The following KCNB2 variants were observed in gnomAD, a reference collection of about 807,000 sequenced individuals.
The protein encoded by KCNB2 is potassium voltage-gated channel subfamily B member 2.
KCNB2 carries 15 observed loss-of-function variants against 61.5 expected under a neutral mutation model. The observed-to-expected ratio is 0.24, with a 90% CI of 0.16 to 0.38. KCNB2 has a LOEUF of 0.38. KCNB2 is among the 10% of genes least tolerant of loss of function. The probability of loss-of-function intolerance (pLI) is 1.00; values close to 1 mark genes in which losing one functional copy is unlikely to be tolerated. For missense variants in KCNB2, 828 were observed against 1,125.2 expected (o/e 0.74, Z 3.78); for synonymous variants, 457 against 446.0 (o/e 1.02, Z -0.31).
rs145231716 is a variant in KCNB2, at chr8:72,710,764, A to G, written c.579+142451A>G. Among the ~76,000 whole-genome samples, 382 of 152,306 alleles carry G rather than the reference A, an allele frequency of 2.5e-3. 7 individuals are homozygous for G. Among genetic ancestry groups the G allele is most frequent in the Admixed American group, 0.022 (333 of 15,302 alleles). ...TTCTTAAGATGTTATTAAACCTCCA[A>G]ATATACTTCTGAAAATCTCTAGATA... On this transcript the variant is annotated intron_variant, in intron 2 of 2. Coordinates refer to ENST00000523207, the MANE Select transcript of KCNB2 (RefSeq NM_004770.3).
intron 2 of KCNB2, among the ~76,000 whole-genome samples, chr8:72,733,756 T>C (rs758970584): frequency 2.0e-4 from 31 of 152,082 alleles, no homozygotes; most frequent in Non-Finnish European, 3.8e-4. Flanking sequence ...CAGTTTCTGA[T>C]TGTAGCCCCT....
chr8:72,788,999 T>C (rs536480016), intron 2 of KCNB2, among the ~76,000 whole-genome samples: 1 of 152,294 alleles, frequency 6.6e-6, no homozygotes, highest in Admixed American at 6.5e-5. Context: ...TTACCTACCA[T>C]GTGCCAGACA....
chr8:72,680,463 T>C (rs1806732915), intron 2 of KCNB2, among the ~76,000 whole-genome samples: 1 of 152,188 alleles, frequency 6.6e-6, no homozygotes, highest in South Asian at 2.1e-4. Flanking sequence ...AAGCTTTTGA[T>C]CCAGAATGGG....
In KCNB2 at chr8:72,649,450, G is replaced by A. The variant is rs1263482939; in HGVS notation, c.579+81137G>A. Among the ~76,000 whole-genome samples, 8 of 151,924 alleles carry A rather than the reference G, an allele frequency of 5.3e-5. No homozygotes were observed. The East Asian group carries it at 1.5e-3, about 29-fold the overall frequency. ...ATAGACACTGGAGACTACTAGAGTA[G>A]GGAGGAAGGGAGGAAGGGTTGAAAA... On this transcript the variant is annotated intron_variant, in intron 2 of 2. Coordinates refer to ENST00000523207, the MANE Select transcript of KCNB2 (RefSeq NM_004770.3).
At chr8:72,772,832 C>T (rs868241597) in intron 2 of KCNB2, among the ~76,000 whole-genome samples, 4 of 152,176 alleles carry the variant, frequency 2.6e-5, no homozygotes, top group African/African-American at 9.7e-5. Flanking sequence ...TATGCAAACA[C>T]AAGTATGACC....
At chr8:72,671,831 A>T (rs551629039) in intron 2 of KCNB2, among the ~76,000 whole-genome samples, 13 of 152,206 alleles carry the variant, frequency 8.5e-5, no homozygotes, top group Non-Finnish European at 1.9e-4. Context: ...GATCACAAGA[A>T]CATACTGACA....
chr8:72,658,821 A>G (rs1489654525), intron 2 of KCNB2, among the ~76,000 whole-genome samples: 4 of 152,202 alleles, frequency 2.6e-5, no homozygotes, highest in Admixed American at 2.6e-4. Context: ...CAAAACCTGG[A>G]TGACAACATA....
chr8:72,771,259 TC>T (rs1239697370), intron 2 of KCNB2, among the ~76,000 whole-genome samples: 3 of 152,218 alleles, frequency 2.0e-5, no homozygotes, highest in Non-Finnish European at 4.4e-5. Context: ...TACCTAAGCC[TC>T]CTTTCACAGA....
chr8:72,674,789 G>A (rs1264737128), intron 2 of KCNB2, among the ~76,000 whole-genome samples: 1 of 152,190 alleles, frequency 6.6e-6, no homozygotes, highest in African/African-American at 2.4e-5. Flanking sequence ...ATGAAATTGT[G>A]CTGGAAGCAT....
chr8:72,808,497 A>C (rs1006830109), intron 2 of KCNB2, among the ~76,000 whole-genome samples: 1 of 152,210 alleles, frequency 6.6e-6, no homozygotes, highest in Admixed American at 6.5e-5. Context: ...AGCACAGTCT[A>C]TTTCTAACAA....
At position 72,937,625 on chromosome 8, in the gene KCNB2, T is replaced by A; in HGVS notation, c.2270T>A (p.Leu757Ter). The A allele has an allele frequency of 6.2e-7, 1 of 1,613,928 alleles. No homozygotes were observed. ...CCGCAGCACATCAGTACCATCCTCT[T>A]AGAAGAAACCCCCTCCCAGGGAGAC... ...TTPQHISTIL[L>*]EETPSQGDRP... The change falls in exon 3 of 3, where the codon TTA becomes TAA. Residue 757 changes from leucine (L) to a stop codon, truncating the protein, a stop_gained. Transcript: ENST00000523207. LOFTEE classifies it high-confidence loss of function.
intron 2 of KCNB2, among the ~76,000 whole-genome samples, chr8:72,627,857 G>T (rs562434698): frequency 6.6e-6 from 1 of 152,114 alleles, no homozygotes; most frequent in East Asian, 1.9e-4. Context: ...AGTATTTATT[G>T]TAGTATTTAT....
intron 2 of KCNB2, among the ~76,000 whole-genome samples, chr8:72,725,575 G>GTATGTATATATATATA (rs1554587062): frequency 1.2e-5 from 1 of 80,490 alleles, no homozygotes; most frequent in African/African-American, 5.9e-5. Flanking sequence ...GTATATATAT[G>GTATGTATATATATATA]TATATATATA....
intron 2 of KCNB2, among the ~76,000 whole-genome samples, chr8:72,883,466 T>C (rs1805750595): frequency 6.6e-6 from 1 of 152,224 alleles, no homozygotes. Context: ...AGCAACTCAT[T>C]TGTTGCTGTC....
chr8:72,772,123 G>T (rs995558209), intron 2 of KCNB2, among the ~76,000 whole-genome samples: 5 of 152,144 alleles, frequency 3.3e-5, no homozygotes, highest in Non-Finnish European at 7.4e-5. Context: ...CAGGCACAGT[G>T]GATCAAAGGC....
chr8:72,684,164 G>T (rs1433065026), intron 2 of KCNB2, among the ~76,000 whole-genome samples: 2 of 152,206 alleles, frequency 1.3e-5, no homozygotes, highest in East Asian at 3.9e-4. Flanking sequence ...GTTGGTAACT[G>T]ATTGACCATG....
At chr8:72,924,400 G>T (rs1806594446) in intron 2 of KCNB2, among the ~76,000 whole-genome samples, 2 of 152,050 alleles carry the variant, frequency 1.3e-5, no homozygotes, top group Non-Finnish European at 2.9e-5. Flanking sequence ...TCTGAGGTCA[G>T]TGCCTCTCAA....
intron 2 of KCNB2, among the ~76,000 whole-genome samples, chr8:72,682,441 A>G (rs1339533755): frequency 6.6e-6 from 1 of 152,100 alleles, no homozygotes; most frequent in Non-Finnish European, 1.5e-5. Flanking sequence ...TCACCCAGGA[A>G]TTTTCCTAAG....
intron 2 of KCNB2, among the ~76,000 whole-genome samples, chr8:72,897,608 C>T (rs1025728987): frequency 3.3e-5 from 5 of 152,114 alleles, no homozygotes; most frequent in African/African-American, 1.2e-4. Context: ...AACGATACAG[C>T]CATGCAAAAC....
Sources: gnomAD v4.1 joint callset for allele counts (sites outside exome capture counted in the v4.1 genomes callset) on GRCh38, gnomAD v4.1.1 for gene constraint, MANE v1.5 for transcripts, NCBI Gene and HGNC (gene_info 2026-07-23, HGNC 2026-07-21) for gene names.